Variants in MAGI2 observed in about 807,000 individuals in gnomAD.
MAGI2 encodes the protein membrane associated guanylate kinase, WW and PDZ domain containing 2.
In MAGI2, 35 loss-of-function variants were observed where a neutral mutation model predicts 133.3. That is an observed-to-expected ratio of 0.26 (90% CI 0.20 to 0.35). MAGI2 has a LOEUF of 0.35. Ranked by LOEUF, MAGI2 falls within the 10% of genes least tolerant of loss-of-function variation. MAGI2 has a pLI of 1.00. For synonymous variants in MAGI2, 729 were observed against 710.6 expected (o/e 1.03, Z -0.41); for missense variants, 1,636 against 1,863.4 (o/e 0.88, Z 2.25).
intron 2 of MAGI2, among the ~76,000 whole-genome samples, chr7:78,935,966 T>G (rs1056528923): frequency 6.6e-6 from 1 of 152,118 alleles, no homozygotes; most frequent in African/African-American, 2.4e-5. Context: ...ATTAGCTGCC[T>G]TTTCTAGATG....
chr7:79,010,750 T>C (rs1250704079), intron 1 of MAGI2, among the ~76,000 whole-genome samples: 2 of 152,052 alleles, frequency 1.3e-5, no homozygotes, highest in African/African-American at 4.8e-5. Flanking sequence ...TATATTTGAA[T>C]AACTATTGAC....
chr7:78,175,529 C>T (rs13240161), intron 14 of MAGI2, among the ~76,000 whole-genome samples: 25,448 of 152,068 alleles, frequency 0.17, 2,232 homozygotes, highest in Middle Eastern at 0.3. Flanking sequence ...ATCCACTTCA[C>T]GTAGCCTGGT....
At chr7:79,256,629 T>C (rs1224223739) in intron 1 of MAGI2, among the ~76,000 whole-genome samples, 1 of 151,708 alleles carries the variant, frequency 6.6e-6, no homozygotes, top group Non-Finnish European at 1.5e-5. Context: ...TAGCTGGGAT[T>C]ACAGGTGTGC....
At chr7:79,324,373 A>G (rs958026954) in intron 1 of MAGI2, among the ~76,000 whole-genome samples, 24 of 147,988 alleles carry the variant, frequency 1.6e-4, no homozygotes, top group African/African-American at 5.7e-4. Context: ...GTGTATGTAT[A>G]TATATACAGT....
At chr7:78,408,880 T>A (rs1167209863) in intron 6 of MAGI2, among the ~76,000 whole-genome samples, 1 of 152,096 alleles carries the variant, frequency 6.6e-6, no homozygotes, top group East Asian at 1.9e-4. Flanking sequence ...AATTTGAAAT[T>A]ACATACATAG....
chr7:78,765,260 T>C (rs1247143961), intron 2 of MAGI2, among the ~76,000 whole-genome samples: 1 of 151,644 alleles, frequency 6.6e-6, no homozygotes, highest in Non-Finnish European at 1.5e-5. Flanking sequence ...CCAGGCTAGT[T>C]ACACTATCTT....
intron 3 of MAGI2, among the ~76,000 whole-genome samples, chr7:78,576,706 C>T (rs915102997): frequency 3.3e-5 from 5 of 152,112 alleles, no homozygotes; most frequent in African/African-American, 1.2e-4. Context: ...GTCACATTTC[C>T]CCACAACTAT....
intron 2 of MAGI2, among the ~76,000 whole-genome samples, chr7:78,999,358 G>A (rs574769529): frequency 9.4e-4 from 142 of 151,796 alleles, no homozygotes; most frequent in African/African-American, 3.2e-3. Flanking sequence ...GTGTCCTGTG[G>A]TGTCAAATTG....
chr7:78,536,880 G>C (rs1435230398), intron 3 of MAGI2, among the ~76,000 whole-genome samples: 2 of 151,324 alleles, frequency 1.3e-5, no homozygotes, highest in Admixed American at 1.3e-4. Flanking sequence ...ATCTTTAGTG[G>C]TAATTTCTGA....
chr7:79,401,322 T>C (rs1453415543), intron 1 of MAGI2, among the ~76,000 whole-genome samples: 3 of 152,182 alleles, frequency 2.0e-5, no homozygotes, highest in Admixed American at 6.6e-5. Context: ...AACTGTGCAG[T>C]CTCACAGCAA....
At chr7:78,602,252 C>A (rs1001734063) in intron 3 of MAGI2, among the ~76,000 whole-genome samples, 1 of 152,046 alleles carries the variant, frequency 6.6e-6, no homozygotes, top group Non-Finnish European at 1.5e-5. Flanking sequence ...AGCTGCCTCC[C>A]GGGTTCAAGC....
chr7:78,376,219 A>G (rs909816043), intron 6 of MAGI2, among the ~76,000 whole-genome samples: 1 of 152,130 alleles, frequency 6.6e-6, no homozygotes, highest in Non-Finnish European at 1.5e-5. Flanking sequence ...AAAATAAACA[A>G]CTAAACCAAA....
At chr7:78,545,625 C>A (rs62468612) in intron 3 of MAGI2, among the ~76,000 whole-genome samples, 2 of 152,136 alleles carry the variant, frequency 1.3e-5, no homozygotes, top group Non-Finnish European at 2.9e-5. Context: ...TTGCTAACCG[C>A]TATTTAATGA....
chr7:79,001,211 G>C (rs1232117383), intron 2 of MAGI2, among the ~76,000 whole-genome samples: 1 of 152,086 alleles, frequency 6.6e-6, no homozygotes, highest in East Asian at 1.9e-4. Context: ...CACCATGCCC[G>C]GCCACTTTAT....
intron 2 of MAGI2, among the ~76,000 whole-genome samples, chr7:78,745,154 T>A (rs1296205131): frequency 2.6e-5 from 4 of 152,226 alleles, no homozygotes; most frequent in Admixed American, 2.0e-4. Flanking sequence ...CTGTGCTTTT[T>A]TCTTCTCATG....
chr7:78,967,105 CT>C (rs113251049), intron 2 of MAGI2, among the ~76,000 whole-genome samples: 3,968 of 151,064 alleles, frequency 0.026, 171 homozygotes, highest in African/African-American at 0.091. Flanking sequence ...GCTGGTCTAA[CT>C]TTTTTTTTAA....
At chr7:78,043,006 G>A (rs910246158) in intron 21 of MAGI2, among the ~76,000 whole-genome samples, 4 of 152,176 alleles carry the variant, frequency 2.6e-5, no homozygotes, top group Admixed American at 6.5e-5. Flanking sequence ...GAACATTATC[G>A]TTTGGAGTCA....
intron 2 of MAGI2, among the ~76,000 whole-genome samples, chr7:78,782,750 G>A (rs1447093056): frequency 1.3e-5 from 2 of 152,122 alleles, no homozygotes; most frequent in Non-Finnish European, 2.9e-5. Context: ...CCTGGGCAAA[G>A]CTGACAAACG....
intron 21 of MAGI2, among the ~76,000 whole-genome samples, chr7:78,062,027 A>C (rs770511547): frequency 6.6e-6 from 1 of 152,240 alleles, no homozygotes. Context: ...TCAGCCGGGA[A>C]AGGAACCCAA....
Sources: gnomAD v4.1 joint callset for allele counts (sites outside exome capture counted in the v4.1 genomes callset) on GRCh38, gnomAD v4.1.1 for gene constraint, MANE v1.5 for transcripts, NCBI Gene and HGNC (gene_info 2026-07-23, HGNC 2026-07-21) for gene names.